The following DIAPH3 variants were observed in gnomAD, a reference collection of about 807,000 sequenced individuals.
DIAPH3 encodes the protein diaphanous related formin 3.
In DIAPH3, 117 loss-of-function variants were observed where a neutral mutation model predicts 144.3. That is an observed-to-expected ratio of 0.81 (90% CI 0.70 to 0.95). The LOEUF is 0.95. DIAPH3 is among the 40% of genes least tolerant of loss of function. The pLI is 0.00. For synonymous variants in DIAPH3, 519 were observed against 488.9 expected, an observed-to-expected ratio of 1.06 and a Z score of -0.81; for missense variants, 1,421 against 1,412.7, an observed-to-expected ratio of 1.01 and a Z score of -0.09.
Position 59,833,092 on chromosome 13 carries a change from A to T in DIAPH3, c.3027+15T>A. ...AAATAAAAAAACTTTTTAAAAAACA[A>T]TTTTTTTACCATACCATGAATGTGG... is the stretch of plus-strand genomic sequence containing the variant. On this transcript the variant is annotated intron_variant, in intron 24 of 27. Coordinates refer to ENST00000400324, the MANE Select transcript of DIAPH3 (RefSeq NM_001042517.2). The T allele has an allele frequency of 3.1e-6, 5 of 1,602,180 alleles. No homozygotes were observed. Among genetic ancestry groups the T allele is most frequent in the Non-Finnish European group, 4.3e-6 (5 of 1,174,202 alleles).
At chr13:59,734,770 T>C (rs2036056798) in intron 27 of DIAPH3, among the ~76,000 whole-genome samples, 1 of 152,318 alleles carries the variant, frequency 6.6e-6, no homozygotes. Context: ...CTCTCTTCAG[T>C]CCATCTGGTC....
At chr13:59,987,475 T>TAAAAAAAAAAAAAAA (rs201333360) in intron 12 of DIAPH3, among the ~76,000 whole-genome samples, 1 of 70,168 alleles carries the variant, frequency 1.4e-5, no homozygotes, top group Non-Finnish European at 3.1e-5. Context: ...TAAAGTATAA[T>TAAAAAAAAAAAAAAA]AAAAAAAAAA....
At position 59,862,509 on chromosome 13, in the gene DIAPH3, T is replaced by C. The variant is rs866289291; in HGVS notation, c.2608-973A>G. 6.6e-5 allele frequency among the ~76,000 whole-genome samples: 10 copies of C among 152,076 alleles called. No homozygotes were observed. In the South Asian group the frequency reaches 1.0e-3, roughly 16 times the overall value. On this transcript the variant is annotated intron_variant, in intron 21 of 27. Transcript: ENST00000400324. ...CTGAATGGAGGTTGTGCCTGGGAAA[T>C]GGGGACAATGAGACCATGTGGGTGT...
intron 17 of DIAPH3, among the ~76,000 whole-genome samples, chr13:59,945,126 AT>A (rs988419909): frequency 1.3e-5 from 2 of 151,954 alleles, no homozygotes; most frequent in Admixed American, 1.3e-4. Context: ...TTCTTTGAAG[AT>A]TTTCCAAAAA....
chr13:59,862,175 C>T (rs1439869025), intron 21 of DIAPH3, among the ~76,000 whole-genome samples: 1 of 152,100 alleles, frequency 6.6e-6, no homozygotes, highest in African/African-American at 2.4e-5. Flanking sequence ...GGATATGACA[C>T]CTCTGAGGCA....
chr13:59,815,554 T>C (rs1163215976), intron 24 of DIAPH3, among the ~76,000 whole-genome samples: 1 of 152,142 alleles, frequency 6.6e-6, no homozygotes, highest in Admixed American at 6.5e-5. Flanking sequence ...TACATTTCTT[T>C]TGCTATTGTA....
intron 5 of DIAPH3, among the ~76,000 whole-genome samples, chr13:60,031,932 CG>C (rs1344786044): frequency 9.9e-5 from 15 of 151,676 alleles, no homozygotes; most frequent in Non-Finnish European, 2.1e-4. Context: ...TTAGTAGAGG[CG>C]GGGTTTCACC....
intron 27 of DIAPH3, among the ~76,000 whole-genome samples, chr13:59,740,362 G>A (rs1566245428): frequency 6.6e-6 from 1 of 152,180 alleles, no homozygotes; most frequent in Non-Finnish European, 1.5e-5. Context: ...CCTTGGAGAT[G>A]AGAATAATCT....
chr13:59,790,572 C>T (rs1194875357), intron 25 of DIAPH3, among the ~76,000 whole-genome samples: 2 of 152,118 alleles, frequency 1.3e-5, no homozygotes, highest in Non-Finnish European at 2.9e-5. Context: ...TTCCTTATTC[C>T]TTCCACAGTG....
chr13:59,717,715 A>G (rs1444475785), intron 27 of DIAPH3, among the ~76,000 whole-genome samples: 1 of 151,936 alleles, frequency 6.6e-6, no homozygotes, highest in Non-Finnish European at 1.5e-5. Flanking sequence ...CCACCTCAAC[A>G]TTGTTAGGTG....
At chr13:59,808,315 A>C (rs536125669) in intron 25 of DIAPH3, among the ~76,000 whole-genome samples, 1 of 152,024 alleles carries the variant, frequency 6.6e-6, no homozygotes, top group South Asian at 2.1e-4. Context: ...ACAACAGAGG[A>C]ACTAAAAATG....
chr13:59,831,036 T>C (rs1390421376), intron 24 of DIAPH3, among the ~76,000 whole-genome samples: 4 of 151,858 alleles, frequency 2.6e-5, no homozygotes, highest in African/African-American at 7.2e-5. Flanking sequence ...GTTTAAATTC[T>C]AGTTCGACCA....
intron 27 of DIAPH3, among the ~76,000 whole-genome samples, chr13:59,723,944 C>T (rs1042007521): frequency 7.3e-6 from 1 of 136,442 alleles, no homozygotes; most frequent in African/African-American, 2.8e-5. Context: ...CTGTTCACCT[C>T]AATGTGTTAA....
chr13:59,789,763 G>A (rs1376791808), intron 25 of DIAPH3, among the ~76,000 whole-genome samples: 3 of 152,124 alleles, frequency 2.0e-5, no homozygotes, highest in East Asian at 1.9e-4. Flanking sequence ...GCTTGGATTC[G>A]AGGCTGAAGA....
intron 2 of DIAPH3, among the ~76,000 whole-genome samples, chr13:60,126,559 A>C (rs2058996473): frequency 6.6e-6 from 1 of 152,194 alleles, no homozygotes. Context: ...GAACACACAG[A>C]AAATTAACAA....
chr13:59,949,961 CTAGATTCA>C (rs889632614), intron 17 of DIAPH3, among the ~76,000 whole-genome samples: 2 of 152,118 alleles, frequency 1.3e-5, no homozygotes, highest in Non-Finnish European at 2.9e-5. Context: ...TGGAAGTAAC[CTAGATTCA>C]TAAATTCATC....
chr13:60,019,309 G>C (rs2053853681), intron 5 of DIAPH3, among the ~76,000 whole-genome samples: 1 of 152,188 alleles, frequency 6.6e-6, no homozygotes, highest in South Asian at 2.1e-4. Context: ...AGTACCATCA[G>C]GCATTATGTG....
intron 25 of DIAPH3, among the ~76,000 whole-genome samples, chr13:59,780,158 T>C (rs1308246639): frequency 6.6e-6 from 1 of 151,994 alleles, no homozygotes; most frequent in East Asian, 1.9e-4. Flanking sequence ...GGCACCAAGA[T>C]ACCTAGGCCC....
intron 1 of DIAPH3, among the ~76,000 whole-genome samples, chr13:60,133,511 A>G (rs975963895): frequency 6.6e-5 from 10 of 152,150 alleles, no homozygotes; most frequent in African/African-American, 2.4e-4. Flanking sequence ...AATTCTAGTA[A>G]CAGAGAAGAA....
Sources: gnomAD v4.1 joint callset for allele counts (sites outside exome capture counted in the v4.1 genomes callset) on GRCh38, gnomAD v4.1.1 for gene constraint, MANE v1.5 for transcripts, NCBI Gene and HGNC (gene_info 2026-07-23, HGNC 2026-07-21) for gene names.